Variants in KIAA0586 observed in about 807,000 individuals in gnomAD.
KIAA0586 encodes the protein protein TALPID3.
KIAA0586 carries 144 observed loss-of-function variants against 169.8 expected under a neutral mutation model. The observed-to-expected ratio is 0.85, with a 90% CI of 0.74 to 0.97. KIAA0586 has a LOEUF of 0.97. KIAA0586 is among the 50% of genes least tolerant of loss of function. KIAA0586 has a pLI of 0.00. For missense variants in KIAA0586, 1,854 were observed against 1,823.0 expected, an observed-to-expected ratio of 1.02 and a Z score of -0.31; for synonymous variants, 625 against 612.4, an observed-to-expected ratio of 1.02 and a Z score of -0.30.
intron 4 of KIAA0586, among the ~76,000 whole-genome samples, chr14:58,436,769 A>G (rs1476981116): frequency 6.6e-6 from 1 of 152,226 alleles, no homozygotes; most frequent in Non-Finnish European, 1.5e-5. Context: ...ATAAATTTGG[A>G]AAAGCAAAAA....
At chr14:58,460,262 A>G (rs912130248) in intron 13 of KIAA0586, among the ~76,000 whole-genome samples, 192 bp downstream of exon 13, 2 of 152,140 alleles carry the variant, frequency 1.3e-5, no homozygotes, top group Non-Finnish European at 2.9e-5. Context: ...CAAAATAGAT[A>G]GTTCCTTTCT....
chr14:58,538,006 G>A (rs1031456332), intron 29 of KIAA0586, among the ~76,000 whole-genome samples: 4 of 152,048 alleles, frequency 2.6e-5, no homozygotes, highest in Non-Finnish European at 4.4e-5. Context: ...AGTTGAGCTG[G>A]GCATGGTGAC....
At chr14:58,553,790 C>T (rs775487234), downstream of KIAA0586, among the ~76,000 whole-genome samples, 2 of 152,106 alleles carry the variant, frequency 1.3e-5, no homozygotes, top group African/African-American at 4.8e-5. Context: ...ATTCCAATAA[C>T]GTTCTAATGC....
chr14:58,459,902 C>A lies in KIAA0586; in HGVS notation c.1716C>A (p.Thr572=). Residue 572 remains threonine (T), a synonymous_variant, in exon 13 of 31, where the codon ACC becomes ACA. Coordinates refer to ENST00000652326, the MANE Select transcript of KIAA0586 (RefSeq NM_001329943.3). ...QKRFDQKNQR[T]KKGQNMTKDI... is the part of the protein sequence containing the mutation. Reference sequence around the variant, plus strand: ...GATTTGATCAGAAGAATCAGAGAACCAAGAAAGGTCAGAATATGACTAAAG... The same window carrying A: ...GATTTGATCAGAAGAATCAGAGAACAAAGAAAGGTCAGAATATGACTAAAG... The A allele has an allele frequency of 3.3e-6, 5 of 1,533,370 alleles. No homozygotes were observed. The highest frequency in any genetic ancestry group is 4.4e-6 in the Non-Finnish European group (5 of 1,145,446). The allele number at this position is 1,533,370 out of a possible 1,614,324, so 95.0% of individuals were successfully genotyped here. A position where few individuals can be genotyped will look rare whatever the true frequency, so the allele number is the denominator to read the frequency against.
chr14:58,522,359 TGCAAAG>T (rs1275956605), intron 29 of KIAA0586, among the ~76,000 whole-genome samples: 3 of 152,232 alleles, frequency 2.0e-5, no homozygotes, highest in African/African-American at 7.2e-5. Context: ...CTTCCCTAAC[TGCAAAG>T]GCAATCTCCT....
chr14:58,498,545 A>G (rs1300358898), intron 26 of KIAA0586, among the ~76,000 whole-genome samples: 1 of 152,096 alleles, frequency 6.6e-6, no homozygotes, highest in Admixed American at 6.6e-5. Flanking sequence ...GTGCTTGAAA[A>G]ACTGGTTAAT....
At chr14:58,510,458 TATCTAA>T (rs1180863220) in intron 28 of KIAA0586, among the ~76,000 whole-genome samples, 3 of 152,168 alleles carry the variant, frequency 2.0e-5, no homozygotes, top group South Asian at 2.1e-4. Context: ...TCCATTAGAA[TATCTAA>T]AATCTAAAAG....
Position 58,512,582 on chromosome 14 carries a change from C to G in KIAA0586, c.4384C>G (p.Leu1462Val), listed in dbSNP as rs749662369. 3.2e-6 allele frequency: 5 copies of G among 1,542,646 alleles called. No individual in the cohort carries two copies. The highest frequency in any genetic ancestry group is 4.6e-5 in the Admixed American group (2 of 43,408). The change falls in exon 29 of 31, where the codon CTA (leucine) becomes GTA (valine). Residue 1462 changes from leucine (L) to valine (V), a missense_variant. Physicochemically the swap from Leu to Val is conservative, Grantham distance 32. Transcript: ENST00000652326. ...TGAACACAAACCATCACAAAGTTAC[C>G]TACGTGTTAGAAATAAATCTGATAT... Reference protein sequence around the residue: ...QVEHKPSQSYLRVRNKSDIAP... With the variant: ...QVEHKPSQSYVRVRNKSDIAP...
Position 58,472,228 on chromosome 14 carries a change from A to C in KIAA0586, c.2583A>C (p.Glu861Asp). The change falls in exon 18 of 31, where the codon GAA (glutamate) becomes GAC (aspartate). Residue 861 changes from glutamate to aspartate, a missense_variant. By Grantham distance (45) the Glu-to-Asp change is conservative (BLOSUM62 2). Transcript: ENST00000652326. ...KTPEIMKVDEEEVKFPGTNFD... is the reference protein window; with the variant it reads ...KTPEIMKVDEDEVKFPGTNFD... Reference sequence around the variant, plus strand: ...CAGAAATTATGAAGGTAGATGAAGAAGAGGTGAAGTTTCCAGGAACTAACT... The same window carrying C: ...CAGAAATTATGAAGGTAGATGAAGACGAGGTGAAGTTTCCAGGAACTAACT... 1 of 1,588,076 alleles carries C rather than the reference A, an allele frequency of 6.3e-7. No homozygotes were observed. Among genetic ancestry groups the C allele is most frequent in the Non-Finnish European group, 8.6e-7 (1 of 1,167,750 alleles).
intron 5 of KIAA0586, 113 bp from the exon 6 acceptor site, chr14:58,443,841 G>T (rs765744099): frequency 6.0e-6 from 4 of 672,086 alleles, no homozygotes; most frequent in Non-Finnish European, 7.7e-6. Flanking sequence ...GTGGGTAAAG[G>T]CTCAAATTAG....
chr14:58,483,221 A>G (rs2042156407), intron 21 of KIAA0586, among the ~76,000 whole-genome samples: 1 of 152,186 alleles, frequency 6.6e-6, no homozygotes, highest in African/African-American at 2.4e-5. Flanking sequence ...CATTTGGTTG[A>G]AAAAACCAAA....
chr14:58,442,881 G>C lies in KIAA0586; in HGVS notation c.585+1G>C. On this transcript the variant is annotated splice_donor_variant, in intron 5 of 30. Coordinates refer to ENST00000652326, the MANE Select transcript of KIAA0586 (RefSeq NM_001329943.3). LOFTEE classifies it high-confidence loss of function. ...TGCAACCGCAGCTCCGTTGATAAAGGTATATTTTTCTTCCCAGATAATCAT... is the reference window on the plus strand; with the variant it reads ...TGCAACCGCAGCTCCGTTGATAAAGCTATATTTTTCTTCCCAGATAATCAT... 6.3e-7 allele frequency: 1 copy of C among 1,595,230 alleles called. No homozygotes were observed. Among genetic ancestry groups the C allele is most frequent in the Non-Finnish European group, 8.5e-7 (1 of 1,171,324 alleles).
chr14:58,522,520 G>GA (rs1325104397), intron 29 of KIAA0586, among the ~76,000 whole-genome samples: 1 of 152,178 alleles, frequency 6.6e-6, no homozygotes, highest in Admixed American at 6.5e-5. Context: ...GCATCCTCTA[G>GA]AAAAATAATT....
chr14:58,548,093 G>C lies in KIAA0586; in HGVS notation c.*161G>C. 1.2e-6 allele frequency: 1 copy of C among 819,358 alleles called. No homozygotes were observed. Among genetic ancestry groups the C allele is most frequent in the East Asian group, 2.8e-5 (1 of 35,872 alleles). The allele number at this position is 819,358 out of a possible 1,614,324, so 50.8% of individuals were successfully genotyped here. A position where few individuals can be genotyped will look rare whatever the true frequency, so the allele number is the denominator to read the frequency against. ...AAAAAGCATAATTTGGGTATTTAAAGTTTTTAAATAAAATAAGTATAAGTC... is the reference window on the plus strand; with the variant it reads ...AAAAAGCATAATTTGGGTATTTAAACTTTTTAAATAAAATAAGTATAAGTC... On this transcript the variant is annotated 3_prime_UTR_variant, in exon 31 of 31. Transcript: ENST00000652326.
chr14:58,486,199 G>A (rs1325534730), intron 21 of KIAA0586, among the ~76,000 whole-genome samples: 1 of 152,060 alleles, frequency 6.6e-6, no homozygotes, highest in Non-Finnish European at 1.5e-5. Context: ...GAGAACATGT[G>A]GTATTTGTTT....
rs959864727 is a variant in KIAA0586 at position 58,450,888 on chromosome 14, A to C, written c.1129+142A>C. The C allele has an allele frequency of 3.5e-4, 195 of 556,342 alleles. 1 individual carries two copies. The highest frequency in any genetic ancestry group is 2.8e-3 in the Middle Eastern group (6 of 2,132). The allele number at this position is 556,342 out of a possible 1,614,324, so 34.5% of individuals were successfully genotyped here. A position where few individuals can be genotyped will look rare whatever the true frequency, so the allele number is the denominator to read the frequency against. On this transcript the variant is annotated intron_variant, in intron 8 of 30. Transcript: ENST00000652326. ...TGCTGGGAAAATCAAGCTTCTTTAG[A>C]TTCTTTGTAAAAGGGTTTGGAGGTA... is the stretch of plus-strand genomic sequence containing the variant.
chr14:58,488,326 G>A (rs769204181), intron 23 of KIAA0586, among the ~76,000 whole-genome samples: 2 of 151,936 alleles, frequency 1.3e-5, no homozygotes, highest in African/African-American at 4.8e-5. Context: ...AGAAATAAAG[G>A]TATCTATTAT....
intron 30 of KIAA0586, among the ~76,000 whole-genome samples, chr14:58,541,048 G>A (rs531354585): frequency 1.7e-4 from 26 of 152,296 alleles, no homozygotes; most frequent in African/African-American, 6.0e-4. Context: ...ATAAAACACA[G>A]CTGAAATACT....
At chr14:58,536,137 T>G (rs2046275293) in intron 29 of KIAA0586, among the ~76,000 whole-genome samples, 1 of 152,106 alleles carries the variant, frequency 6.6e-6, no homozygotes, top group African/African-American at 2.4e-5. Context: ...GTCATTTTAT[T>G]TTAGATTTGG....
Sources: gnomAD v4.1 joint callset for allele counts (sites outside exome capture counted in the v4.1 genomes callset) on GRCh38, gnomAD v4.1.1 for gene constraint, MANE v1.5 for transcripts, NCBI Gene and HGNC (gene_info 2026-07-23, HGNC 2026-07-21) for gene names.